SAXO1: variants seen among roughly 807,000 people sequenced by gnomAD.
SAXO1 encodes the protein 4930500O09Rik.
SAXO1 carries 21 observed loss-of-function variants against 17.5 expected under a neutral mutation model. That is an observed-to-expected ratio of 1.20 (90% confidence interval 0.85 to 1.72). SAXO1 has a LOEUF of 1.72. Among genes scored for constraint, SAXO1 ranks in the 40% most tolerant of loss-of-function variants. The pLI, the probability that SAXO1 is intolerant of heterozygous loss-of-function variation, is 0.00. For synonymous variants in SAXO1, 274 were observed against 216.5 expected, an observed-to-expected ratio of 1.27 and a Z score of -2.33; for missense variants, 843 against 596.0, an observed-to-expected ratio of 1.41 and a Z score of -4.32.
intron 1 of SAXO1, among the ~76,000 whole-genome samples, chr9:18,977,753 G>C (rs1233634795): frequency 1.3e-5 from 2 of 152,082 alleles, no homozygotes; most frequent in Non-Finnish European, 2.9e-5. Flanking sequence ...CCAGCACTTT[G>C]AGATGCCAAG....
At chr9:18,951,488 T>G (rs1832038229) in intron 1 of SAXO1, among the ~76,000 whole-genome samples, 1 of 152,234 alleles carries the variant, frequency 6.6e-6, no homozygotes, top group African/African-American at 2.4e-5. Flanking sequence ...CCACTGACTA[T>G]GTGAAACCAC....
rs188820347 is a variant in SAXO1, at chr9:18,949,101, C to G, written c.218+1657G>C. Among the ~76,000 whole-genome samples, 85 of 152,236 alleles carry G rather than the reference C, an allele frequency of 5.6e-4. 2 individuals are homozygous for G. The South Asian group carries it at 0.013, about 23-fold the overall frequency. On this transcript the variant is annotated intron_variant, in intron 2 of 3. Transcript: ENST00000380534. ...TCAGAGACAAAGAATACTGTTTTCCCAGCAAAATGAAGCCCAAACTTTAGT... is the reference window on the plus strand; with the variant it reads ...TCAGAGACAAAGAATACTGTTTTCCGAGCAAAATGAAGCCCAAACTTTAGT...
At chr9:19,020,711 T>C (rs1835193800) in intron 1 of SAXO1, among the ~76,000 whole-genome samples, 1 of 152,202 alleles carries the variant, frequency 6.6e-6, no homozygotes, top group Non-Finnish European at 1.5e-5. Context: ...TATGTTCTTC[T>C]CACTTTGTGT....
chr9:18,965,638 G>C (rs150355328), intron 1 of SAXO1, among the ~76,000 whole-genome samples: 2,199 of 151,568 alleles, frequency 0.015, 57 homozygotes, highest in African/African-American at 0.051. Context: ...GCCTATGTGT[G>C]TCTTTGCATG....
intron 1 of SAXO1, among the ~76,000 whole-genome samples, chr9:18,959,150 G>C (rs1354600028): frequency 6.6e-6 from 1 of 152,172 alleles, no homozygotes; most frequent in Non-Finnish European, 1.5e-5. Flanking sequence ...CAGACATTCT[G>C]AAAAATCTGG....
intron 2 of SAXO1, 34 bp downstream of exon 2, chr9:18,950,724 T>C (rs778976513): frequency 1.0e-5 from 16 of 1,575,338 alleles, no homozygotes; most frequent in African/African-American, 6.8e-5. Flanking sequence ...TAGTGTTGTA[T>C]GTACCTGCAT....
rs889928489 is a variant in SAXO1 at position 18,928,017 on chromosome 9, G to T, written c.*35C>A. 3.3e-6 allele frequency: 5 copies of T among 1,508,632 alleles called. No individual in the cohort carries two copies. Among genetic ancestry groups the T allele is most frequent in the East Asian group, 2.3e-5 (1 of 43,804 alleles). 93.5% of individuals were successfully genotyped at this position (1,508,632 alleles called of 1,614,324 possible). A position where few individuals can be genotyped will look rare whatever the true frequency, so the allele number is the denominator to read the frequency against. ...AATTCTCAGTTGTCTGCTTTTAAAA[G>T]TACTGTGTAATTTCTAAATTACTAT... On this transcript the variant is annotated 3_prime_UTR_variant, in exon 4 of 4. Coordinates refer to ENST00000380534, the MANE Select transcript of SAXO1 (RefSeq NM_153707.4).
intron 1 of SAXO1, among the ~76,000 whole-genome samples, chr9:18,971,529 G>A (rs78074680): frequency 5.7e-4 from 86 of 152,148 alleles, no homozygotes; most frequent in African/African-American, 1.9e-3. Context: ...TTATTCCTCT[G>A]AGTACCAAAA....
chr9:18,949,696 A>C (rs1436460502), intron 2 of SAXO1, among the ~76,000 whole-genome samples: 1 of 152,078 alleles, frequency 6.6e-6, no homozygotes, highest in Non-Finnish European at 1.5e-5. Context: ...AGATGTTTCC[A>C]GTCCTATTCT....
At position 19,039,759 on chromosome 9, in the gene SAXO1, G is replaced by A. The variant is rs533785464; in HGVS notation, c.-158+9450C>T. Among the ~76,000 whole-genome samples, 19 of 152,210 alleles carry A rather than the reference G, an allele frequency of 1.2e-4. 1 individual carries two copies. The highest frequency in any genetic ancestry group is 2.6e-4 in the Admixed American group (4 of 15,280). On this transcript the variant is annotated intron_variant, in intron 1 of 3. Coordinates refer to the SAXO1 transcript ENST00000542071. ...TTGCTTTTTTTTGAGATGAAGTCTC[G>A]TTCTTGTCCCCCAGGCTGGAGTGTG...
rs531402733 is a variant in SAXO1, at chr9:18,971,024, G to A, written c.39-20087C>T. ...TGCAGGTAATGGGGAGGATAAATGG[G>A]TTCCCTGGGTTTCCCTGTCCCCTCA... On this transcript the variant is annotated intron_variant, in intron 1 of 3. Coordinates refer to ENST00000380534, the MANE Select transcript of SAXO1 (RefSeq NM_153707.4). 5.9e-5 allele frequency among the ~76,000 whole-genome samples: 9 copies of A among 152,188 alleles called. No individual in the cohort carries two copies. In the East Asian group the frequency reaches 1.2e-3, roughly 20 times the overall value.
intron 1 of SAXO1, chr9:19,027,532 G>A: frequency 9.8e-7 from 1 of 1,015,600 alleles, no homozygotes; most frequent in Non-Finnish European, 1.6e-6. Flanking sequence ...GGACGGAGAA[G>A]ACCCTCCTGG....
chr9:18,994,995 T>C (rs1225130962), intron 1 of SAXO1, among the ~76,000 whole-genome samples: 4 of 152,194 alleles, frequency 2.6e-5, no homozygotes, highest in South Asian at 2.1e-4. Context: ...AAGGTTGTGG[T>C]TCCATTAGAC....
chr9:18,972,212 T>A (rs1832969760), intron 1 of SAXO1, among the ~76,000 whole-genome samples: 2 of 152,228 alleles, frequency 1.3e-5, no homozygotes, highest in African/African-American at 4.8e-5. Context: ...ATTCCATTTT[T>A]TATTTCTGGT....
intron 1 of SAXO1, among the ~76,000 whole-genome samples, chr9:19,015,187 T>C (rs1289934862): frequency 2.0e-5 from 3 of 152,124 alleles, no homozygotes; most frequent in African/African-American, 7.2e-5. Flanking sequence ...GTCTTAAAAT[T>C]GTATCCCTTC....
chr9:18,936,517 A>G (rs966633687), intron 3 of SAXO1, among the ~76,000 whole-genome samples: 2 of 152,136 alleles, frequency 1.3e-5, no homozygotes, highest in African/African-American at 2.4e-5. Context: ...TCTAAGCTCA[A>G]AGTTGCCTCA....
chr9:18,982,659 T>C lies in SAXO1; in HGVS notation c.39-31722A>G, dbSNP rs112441360. 2.3e-3 allele frequency among the ~76,000 whole-genome samples: 349 copies of C among 152,264 alleles called. 1 individual carries two copies. The highest frequency in any genetic ancestry group is 8.0e-3 in the African/African-American group (332 of 41,560). On this transcript the variant is annotated intron_variant, in intron 1 of 3. Transcript: ENST00000380534. The stretch of plus-strand genomic sequence containing the variant: ...GAGGCTGACCAAACAATTCAATTAG[T>C]TTTTCACTCAGATAACTTTTTTACC...
intron 1 of SAXO1, among the ~76,000 whole-genome samples, chr9:19,011,848 GA>G (rs1563980284): frequency 7.0e-6 from 1 of 143,522 alleles, no homozygotes; most frequent in African/African-American, 2.6e-5. Context: ...ATTAAGCATA[GA>G]TTTTTTTTTT....
At chr9:19,006,472 GAGTGAA>G (rs1235763393) in intron 1 of SAXO1, among the ~76,000 whole-genome samples, 5 of 152,336 alleles carry the variant, frequency 3.3e-5, no homozygotes, top group Admixed American at 6.5e-5. Flanking sequence ...GCTACAACAT[GAGTGAA>G]CCTTAGAGAC....
Sources: gnomAD v4.1 joint callset for allele counts (sites outside exome capture counted in the v4.1 genomes callset) on GRCh38, gnomAD v4.1.1 for gene constraint, MANE v1.5 for transcripts, NCBI Gene and HGNC (gene_info 2026-07-23, HGNC 2026-07-21) for gene names.